The following NAE1 variants were observed in gnomAD, a reference collection of about 807,000 sequenced individuals.
NAE1 encodes NEDD8-activating enzyme E1 regulatory subunit.
NAE1 carries 59 observed loss-of-function variants against 88.0 expected under a neutral mutation model. That is an observed-to-expected ratio of 0.67 (90% CI 0.54 to 0.83). NAE1 has a LOEUF of 0.83. Ranked by LOEUF, NAE1 falls within the 40% of genes least tolerant of loss-of-function variation. NAE1 has a pLI of 0.00. For synonymous variants in NAE1, 186 were observed against 208.9 expected (o/e 0.89, Z 0.95); for missense variants, 554 against 632.8 (o/e 0.88, Z 1.34).
Position 66,830,966 on chromosome 16 carries a change from G to A in NAE1, c.-67C>T. 9 of 1,407,816 alleles carry A rather than the reference G, an allele frequency of 6.4e-6. No individual in the cohort carries two copies. The highest frequency in any genetic ancestry group is 2.7e-5 in the Admixed American group (1 of 37,392). 87.2% of individuals were successfully genotyped at this position (1,407,816 alleles called of 1,614,324 possible). A position where few individuals can be genotyped will look rare whatever the true frequency, so the allele number is the denominator to read the frequency against. On this transcript the variant is annotated 5_prime_UTR_variant, in exon 1 of 20. Transcript: ENST00000290810. ...GCGCCGCCACCAGCTCCACAAGCGCGCAGGCGCACTGAGCGCCCCTTCGCC... is the reference window on the plus strand; with the variant it reads ...GCGCCGCCACCAGCTCCACAAGCGCACAGGCGCACTGAGCGCCCCTTCGCC...
chr16:66,822,230 C>CA (rs1567495201), intron 6 of NAE1, among the ~76,000 whole-genome samples: 1 of 151,974 alleles, frequency 6.6e-6, no homozygotes, highest in African/African-American at 2.4e-5. Flanking sequence ...ACAACAACAA[C>CA]AAAAAAACAA....
chr16:66,816,748 T>C, intron 10 of NAE1, 76 bp from the exon 11 acceptor site: 7 of 1,305,618 alleles, frequency 5.4e-6, no homozygotes, highest in Non-Finnish European at 7.5e-6. Context: ...AAAATAACCT[T>C]GTCAGATCCT....
chr16:66,816,413 C>T (rs762532232), intron 11 of NAE1, among the ~76,000 whole-genome samples, 168 bp downstream of exon 11: 13 of 152,236 alleles, frequency 8.5e-5, no homozygotes, highest in Non-Finnish European at 1.3e-4. Context: ...GATCCACCCG[C>T]CTCAGCCTCC....
In NAE1 at chr16:66,823,567, C is replaced by A. The variant is rs761888162; in HGVS notation, c.283G>T (p.Glu95Ter). 1.9e-6 allele frequency: 3 copies of A among 1,610,688 alleles called. No homozygotes were observed. The highest frequency in any genetic ancestry group is 2.5e-6 in the Non-Finnish European group (3 of 1,179,134). The change falls in exon 5 of 20, where the codon GAA becomes TAA. Residue 95 changes from glutamate to a stop codon, truncating the protein, a stop_gained. Transcript: ENST00000290810. LOFTEE classifies it high-confidence loss of function. ...RAEAAMEFLQ[E>*]LNSDVSGSFV... is the part of the protein sequence containing the mutation. ...CTTCCAGAGACATCGCTATTTAATTCTTGTAAGAATTCCATGGCAGCTTCA... is the reference window on the plus strand; with the variant it reads ...CTTCCAGAGACATCGCTATTTAATTATTGTAAGAATTCCATGGCAGCTTCA...
chr16:66,810,587 G>A, intron 14 of NAE1, 110 bp downstream of exon 14: 2 of 1,125,798 alleles, frequency 1.8e-6, no homozygotes, highest in Non-Finnish European at 2.6e-6. Context: ...GGAAATGACA[G>A]CTCCCTCTAA....
chr16:66,811,590 G>C (rs532925257), intron 13 of NAE1, among the ~76,000 whole-genome samples: 156 of 151,846 alleles, frequency 1.0e-3, no homozygotes, highest in African/African-American at 3.6e-3. Context: ...CATGGAAAAC[G>C]TAAAATTTCA....
chr16:66,803,718 G>A (rs1240911866), intron 19 of NAE1, among the ~76,000 whole-genome samples: 1 of 151,834 alleles, frequency 6.6e-6, no homozygotes, highest in African/African-American at 2.4e-5. Context: ...AGCCTCCCAA[G>A]TAGCTGGGAT....
intron 6 of NAE1, among the ~76,000 whole-genome samples, chr16:66,821,927 T>A (rs910917951): frequency 4.6e-5 from 7 of 152,104 alleles, no homozygotes; most frequent in Non-Finnish European, 7.4e-5. Flanking sequence ...TGGAGTGCAG[T>A]GGCATGATCA....
chr16:66,822,302 G>C (rs1453008308), intron 6 of NAE1, among the ~76,000 whole-genome samples: 3 of 152,162 alleles, frequency 2.0e-5, no homozygotes, highest in Non-Finnish European at 4.4e-5. Context: ...AGGCTTGGTG[G>C]CTCCACAACT....
rs1259052753 is a variant in NAE1, at chr16:66,813,692, T to C, written c.906A>G (p.Pro302=). 1.9e-6 allele frequency: 3 copies of C among 1,613,492 alleles called. No homozygotes were observed. The Admixed American group carries it at 5.0e-5, about 27-fold the overall frequency. Residue 302 remains proline (P), a synonymous_variant, in exon 13 of 20, where the codon CCA becomes CCG. Coordinates refer to ENST00000290810, the MANE Select transcript of NAE1 (RefSeq NM_003905.4). ...AGGCACGAGCTAAAATCCAAAATGA[T>C]GGAGTCTAAAAGAATAAGAAAAAAT... ...DRCINITKQT[P]SFWILARALK...
Position 66,815,292 on chromosome 16 carries a change from AT to A in NAE1, c.840+1288del, listed in dbSNP as rs1052460048. Among the ~76,000 whole-genome samples, 18 of 152,302 alleles carry A rather than the reference AT, an allele frequency of 1.2e-4. 1 individual carries two copies. The East Asian group carries it at 3.5e-3, about 29-fold the overall frequency. ...TGCATTTTGATAACTATATATACAT[AT>A]TTTTAACCATAACCCCAATTAAAAC... is the stretch of plus-strand genomic sequence containing the variant. On this transcript the variant is annotated intron_variant, in intron 11 of 19. Transcript: ENST00000290810.
chr16:66,813,107 G>C (rs1959886416), intron 13 of NAE1: 1 of 154,736 alleles, frequency 6.5e-6, no homozygotes, highest in Non-Finnish European at 1.4e-5. Flanking sequence ...ACAGGTGTGA[G>C]CCACTGCGCC....
chr16:66,820,351 C>T (rs1308114781), intron 7 of NAE1, among the ~76,000 whole-genome samples: 1 of 152,220 alleles, frequency 6.6e-6, no homozygotes, highest in Admixed American at 6.5e-5. Flanking sequence ...TGCCTATAAA[C>T]GACTTTGGTC....
intron 11 of NAE1, among the ~76,000 whole-genome samples, chr16:66,816,159 A>C (rs1016753616): frequency 6.6e-6 from 1 of 152,010 alleles, no homozygotes; most frequent in African/African-American, 2.4e-5. Flanking sequence ...TCAACAACTA[A>C]GCCATAACAA....
chr16:66,810,361 C>T lies in NAE1; in HGVS notation c.1150+13G>A, dbSNP rs2145317723. 1 of 1,580,806 alleles carries T rather than the reference C, an allele frequency of 6.3e-7. No homozygotes were observed. On this transcript the variant is annotated intron_variant, in intron 15 of 19. Transcript: ENST00000290810. Reference sequence around the variant, plus strand: ...ATCAAGCAAAATAAGGAAATTAATTCAAGGGGACTTACAGAGTAATTTTAA... The same window carrying T: ...ATCAAGCAAAATAAGGAAATTAATTTAAGGGGACTTACAGAGTAATTTTAA...
At chr16:66,823,415 C>A in intron 5 of NAE1, 109 bp from the exon 6 acceptor site, 1 of 1,275,516 alleles carries the variant, frequency 7.8e-7, no homozygotes, top group Non-Finnish European at 1.1e-6. Context: ...GCAACAATTC[C>A]AATTCAACTA....
At position 66,805,784 on chromosome 16, in the gene NAE1, G is replaced by A; in HGVS notation, c.1488C>T (p.Phe496=). 1 of 1,497,684 alleles carries A rather than the reference G, an allele frequency of 6.7e-7. No homozygotes were observed. The highest frequency in any genetic ancestry group is 2.4e-5 in the East Asian group (1 of 42,162). The allele number at this position is 1,497,684 out of a possible 1,614,324, so 92.8% of individuals were successfully genotyped here. The change falls in exon 19 of 20, where the codon TTC becomes TTT. Residue 496 remains phenylalanine, a synonymous_variant. Coordinates refer to ENST00000290810, the MANE Select transcript of NAE1 (RefSeq NM_003905.4). The part of the protein sequence containing the change: ...GAAEPHTIAA[F]LGGAAAQEVI... ...CTCATATATGGAACTCACCCCCCAA[G>A]AATGCAGCAATGGTATGTGGCTCAG...
Position 66,817,410 on chromosome 16 carries a change from T to A in NAE1, c.684+15A>T, listed in dbSNP as rs570202427. The stretch of plus-strand genomic sequence containing the variant: ...ATACAGTTGCATATGAAATTTTTTT[T>A]AAAAAAGGACATACTTCACTATACC... On this transcript the variant is annotated intron_variant, in intron 9 of 19. Coordinates refer to ENST00000290810, the MANE Select transcript of NAE1 (RefSeq NM_003905.4). The A allele has an allele frequency of 3.8e-6, 6 of 1,584,666 alleles. No homozygotes were observed. Among genetic ancestry groups the A allele is most frequent in the African/African-American group, 2.7e-5 (2 of 74,402 alleles).
chr16:66,808,332 C>T (rs1959655064), intron 17 of NAE1, among the ~76,000 whole-genome samples, 189 bp downstream of exon 17: 1 of 152,072 alleles, frequency 6.6e-6, no homozygotes. Flanking sequence ...AGTTTAGAAT[C>T]GAACACTATT....
Sources: allele counts gnomAD v4.1 joint callset (sites outside exome capture counted in the v4.1 genomes callset), GRCh38; gene constraint gnomAD v4.1.1; transcripts MANE v1.5; gene names NCBI Gene and HGNC (gene_info 2026-07-23, HGNC 2026-07-21).